The following MAN1A2 variants were observed in gnomAD, a reference collection of about 807,000 sequenced individuals.
MAN1A2 encodes the protein mannosyl-oligosaccharide 1,2-alpha-mannosidase IB.
MAN1A2 carries 26 observed loss-of-function variants against 75.7 expected under a neutral mutation model. The ratio of observed to expected loss-of-function variants is 0.34; its 90% confidence interval spans 0.25 to 0.48. The LOEUF (loss-of-function observed/expected upper bound fraction) is 0.48, where lower values mean the gene tolerates loss of function less well. Among genes scored for constraint, MAN1A2 ranks in the 20% least tolerant of loss-of-function variants. The pLI is 0.99. For synonymous variants in MAN1A2, 247 were observed against 264.6 expected, an observed-to-expected ratio of 0.93 and a Z score of 0.65; for missense variants, 562 against 775.5, an observed-to-expected ratio of 0.72 and a Z score of 3.27.
chr1:117,418,352 C>T (rs1304594904), intron 4 of MAN1A2, among the ~76,000 whole-genome samples: 6 of 151,920 alleles, frequency 3.9e-5, no homozygotes, highest in Non-Finnish European at 8.8e-5. Context: ...TGGTGGGGTA[C>T]TGCTATTAGT....
At chr1:117,483,944 G>A (rs1382184913) in intron 8 of MAN1A2, among the ~76,000 whole-genome samples, 1 of 151,736 alleles carries the variant, frequency 6.6e-6, no homozygotes. Context: ...TGTGTTTCAG[G>A]TATGGGGAGG....
chr1:117,397,645 C>CCTT (rs1553231118), intron 1 of MAN1A2, among the ~76,000 whole-genome samples: 4 of 105,884 alleles, frequency 3.8e-5, no homozygotes, highest in African/African-American at 1.1e-4. Context: ...TTATAACCCC[C>CCTT]TTTTTTTTTT....
At chr1:117,402,600 GT>G (rs935682211) in intron 2 of MAN1A2, among the ~76,000 whole-genome samples, 159 bp downstream of exon 2, 219 of 139,466 alleles carry the variant, frequency 1.6e-3, no homozygotes, top group Non-Finnish European at 2.1e-3. Context: ...ACTCTTTCTT[GT>G]TTTTTTTTTT....
chr1:117,380,480 T>TA (rs944473474), intron 1 of MAN1A2, among the ~76,000 whole-genome samples: 44 of 152,318 alleles, frequency 2.9e-4, no homozygotes, highest in African/African-American at 1.1e-3. Context: ...TAAGATTTTT[T>TA]AAAAAAGAGT....
At chr1:117,383,296 G>A (rs570439742) in intron 1 of MAN1A2, among the ~76,000 whole-genome samples, 16 of 152,226 alleles carry the variant, frequency 1.1e-4, no homozygotes, top group African/African-American at 3.9e-4. Context: ...AACCATCCTT[G>A]CATTTCTGGG....
At chr1:117,461,767 T>C (rs189443921) in intron 7 of MAN1A2, among the ~76,000 whole-genome samples, 7 of 152,206 alleles carry the variant, frequency 4.6e-5, no homozygotes, top group Admixed American at 4.6e-4. Context: ...TATATATAGG[T>C]AAACAATATC....
intron 8 of MAN1A2, among the ~76,000 whole-genome samples, chr1:117,474,175 A>C (rs7525312): frequency 6.6e-6 from 1 of 151,932 alleles, no homozygotes; most frequent in East Asian, 1.9e-4. Context: ...CCTGACTGCA[A>C]AGGATCCAAA....
At chr1:117,431,091 C>T (rs1285389946) in intron 5 of MAN1A2, among the ~76,000 whole-genome samples, 7 of 138,228 alleles carry the variant, frequency 5.1e-5, no homozygotes, top group South Asian at 5.2e-4. Context: ...CGCAGGCATT[C>T]GGCAGACTGA....
At chr1:117,511,011 G>T (rs1446705196) in intron 12 of MAN1A2, among the ~76,000 whole-genome samples, 1 of 152,012 alleles carries the variant, frequency 6.6e-6, no homozygotes, top group Non-Finnish European at 1.5e-5. Context: ...GGTAATTTAT[G>T]AAGAAAAGAG....
chr1:117,454,285 A>G (rs1267695628), intron 6 of MAN1A2, among the ~76,000 whole-genome samples: 2 of 152,196 alleles, frequency 1.3e-5, no homozygotes, highest in East Asian at 3.8e-4. Context: ...CTGTAAATTC[A>G]CAGATTCCAA....
intron 12 of MAN1A2, among the ~76,000 whole-genome samples, chr1:117,509,222 C>A (rs1391032620): frequency 6.6e-6 from 1 of 151,612 alleles, no homozygotes; most frequent in Non-Finnish European, 1.5e-5. Context: ...AAATACTAAG[C>A]CTACTAAAAA....
intron 1 of MAN1A2, among the ~76,000 whole-genome samples, chr1:117,380,504 T>C (rs1557926379): frequency 6.6e-6 from 1 of 152,196 alleles, no homozygotes; most frequent in Non-Finnish European, 1.5e-5. Context: ...TGGTTTTAAC[T>C]CTTATTTAGG....
chr1:117,509,921 A>T (rs1193226754), intron 12 of MAN1A2, among the ~76,000 whole-genome samples: 9 of 151,646 alleles, frequency 5.9e-5, no homozygotes, highest in Non-Finnish European at 1.0e-4. Context: ...TTTTCTGGGT[A>T]TATGCAAACA....
At position 117,414,720 on chromosome 1, in the gene MAN1A2, A is replaced by G; in HGVS notation, c.663A>G (p.Ser221=). 6.3e-7 allele frequency: 1 copy of G among 1,580,594 alleles called. No individual in the cohort carries two copies. Among genetic ancestry groups the G allele is most frequent in the Non-Finnish European group, 8.7e-7 (1 of 1,151,008 alleles). The change falls in exon 4 of 13, where the codon TCA becomes TCG. Residue 221 remains serine, a synonymous_variant. Coordinates refer to ENST00000356554, the MANE Select transcript of MAN1A2 (RefSeq NM_006699.5). The stretch of plus-strand genomic sequence containing the variant: ...TTTTCTTCCCAAATATAGGAAGTTC[A>G]CAAATGGGTGCTACCATAGTAGATG... The part of the protein sequence containing the change: ...KGHSPNIFGS[S]QMGATIVDAL...
chr1:117,460,559 A>G lies in MAN1A2; in HGVS notation c.1021A>G (p.Met341Val), dbSNP rs1050044762. ...TCTGGCTGAATTTGGTACACTACAT[A>G]TGGAGTTCATCCACCTCAGCTACTT... ...SILAEFGTLH[M>V]EFIHLSYLTG... Residue 341 changes from methionine (M) to valine (V), a missense_variant, in exon 7 of 13, where the codon ATG (methionine) becomes GTG (valine). This residue lies in a region of MAN1A2 where 434 missense variants were observed against 645.7 expected (regional missense o/e 0.67). Coordinates refer to ENST00000356554, the MANE Select transcript of MAN1A2 (RefSeq NM_006699.5). 6.2e-7 allele frequency: 1 copy of G among 1,611,422 alleles called. No homozygotes were observed. The highest frequency in any genetic ancestry group is 1.3e-5 in the African/African-American group (1 of 74,860).
intron 7 of MAN1A2, 146 bp downstream of exon 7, chr1:117,460,758 C>A: frequency 1.1e-6 from 1 of 893,992 alleles, no homozygotes; most frequent in Non-Finnish European, 1.5e-6. Context: ...TGAAGTTACT[C>A]AAAGAAATGT....
chr1:117,478,564 A>G (rs537072551), intron 8 of MAN1A2, among the ~76,000 whole-genome samples: 1 of 152,020 alleles, frequency 6.6e-6, no homozygotes, highest in South Asian at 2.1e-4. Flanking sequence ...CGGGTTTTGT[A>G]TTTACATCTG....
chr1:117,371,402 G>A (rs1652962305), intron 1 of MAN1A2, among the ~76,000 whole-genome samples: 1 of 152,176 alleles, frequency 6.6e-6, no homozygotes, highest in African/African-American at 2.4e-5. Flanking sequence ...TGTGATGAAT[G>A]TTACGAAGTT....
chr1:117,508,984 C>G (rs1374331843), intron 12 of MAN1A2, among the ~76,000 whole-genome samples: 2 of 150,724 alleles, frequency 1.3e-5, no homozygotes, highest in East Asian at 1.9e-4. Context: ...TAGAGCAAAG[C>G]TTTAAATATT....
Sources: gnomAD v4.1 joint callset for allele counts (sites outside exome capture counted in the v4.1 genomes callset) on GRCh38, gnomAD v4.1.1 for gene constraint, gnomAD v4.1.1 regional missense constraint, MANE v1.5 for transcripts, NCBI Gene and HGNC (gene_info 2026-07-23, HGNC 2026-07-21) for gene names.